NAV3: variants seen among roughly 807,000 people sequenced by gnomAD.
The protein encoded by NAV3 is neuron navigator 3, also known as pore membrane and/or filament interacting like protein 1.
Under a neutral mutation model 244.7 loss-of-function variants are expected in NAV3, and 87 were observed. That is an observed-to-expected ratio of 0.36 (90% CI 0.30 to 0.42). The LOEUF (loss-of-function observed/expected upper bound fraction) is 0.42. Among genes scored for constraint, NAV3 ranks in the 20% least tolerant of loss-of-function variants. The pLI, the probability that NAV3 is intolerant of heterozygous loss-of-function variation, is 1.00. For missense variants in NAV3, 2,663 were observed against 2,893.3 expected, an observed-to-expected ratio of 0.92 and a Z score of 1.83; for synonymous variants, 1,126 against 1,042.2, an observed-to-expected ratio of 1.08 and a Z score of -1.55.
intron 20 of NAV3, chr12:78,144,933 A>G (rs1216725876): frequency 0.011 from 1,713 of 151,060 alleles, 97 homozygotes; most frequent in African/African-American, 0.039. Flanking sequence ...AAAAAAAAAA[A>G]AAAAAAAAAA....
intron 2 of NAV3, among the ~76,000 whole-genome samples, chr12:77,659,545 A>C (rs1245990294): frequency 6.6e-6 from 1 of 152,216 alleles, no homozygotes; most frequent in African/African-American, 2.4e-5. Flanking sequence ...TGTGGAAGTC[A>C]GTGTGGCGAT....
chr12:77,639,283 T>TTA, intron 2 of NAV3, among the ~76,000 whole-genome samples: 1 of 152,344 alleles, frequency 6.6e-6, no homozygotes, highest in Non-Finnish European at 1.5e-5. Context: ...CAGGTGTACT[T>TTA]GTCTAAGTGC....
At chr12:78,037,502 A>G (rs1023217590) in intron 9 of NAV3, 5 of 594,776 alleles carry the variant, frequency 8.4e-6, no homozygotes, top group Admixed American at 3.0e-5. Context: ...ATTTTTAAAA[A>G]TACATAGTTA....
chr12:78,128,657 C>T (rs2138845254), intron 17 of NAV3, 49 bp from the exon 18 acceptor site: 1 of 1,570,428 alleles, frequency 6.4e-7, no homozygotes, highest in Non-Finnish European at 8.6e-7. Context: ...CCTGGCATTG[C>T]CTTGCCCTTG....
At chr12:77,601,558 A>G (rs773942061) in intron 2 of NAV3, among the ~76,000 whole-genome samples, 28 of 151,962 alleles carry the variant, frequency 1.8e-4, no homozygotes, top group Non-Finnish European at 3.1e-4. Flanking sequence ...TGGGACTTCA[A>G]TGTAGTAGGA....
chr12:78,028,448 T>C (rs894869865), intron 9 of NAV3, among the ~76,000 whole-genome samples: 13 of 152,230 alleles, frequency 8.5e-5, no homozygotes, highest in African/African-American at 3.1e-4. Context: ...AAAAAATCTT[T>C]GATGCTGAAA....
intron 38 of NAV3, 47 bp downstream of exon 38, chr12:78,200,638 C>T (rs1220462085): frequency 9.9e-7 from 1 of 1,014,682 alleles, no homozygotes; most frequent in Non-Finnish European, 1.4e-6. Flanking sequence ...AAAAAAAAAG[C>T]AAAAAAAATT....
intron 2 of NAV3, among the ~76,000 whole-genome samples, chr12:77,725,358 A>G (rs114508312): frequency 0.01 from 1,572 of 152,142 alleles, 41 homozygotes; most frequent in African/African-American, 0.036. Context: ...TATTCATATA[A>G]CTGACGAAAA....
At chr12:77,907,308 T>A (rs1261410292) in intron 1 of NAV3, among the ~76,000 whole-genome samples, 1 of 152,154 alleles carries the variant, frequency 6.6e-6, no homozygotes, top group Non-Finnish European at 1.5e-5. Flanking sequence ...TCTTTGCCAA[T>A]TTTATTCATC....
intron 2 of NAV3, among the ~76,000 whole-genome samples, chr12:77,779,259 C>G (rs1488504113): frequency 1.3e-5 from 2 of 152,208 alleles, no homozygotes; most frequent in Admixed American, 6.5e-5. Context: ...ATTTTGGCTT[C>G]TGCACATCGG....
At chr12:78,158,757 AG>A (rs1307504006) in intron 22 of NAV3, among the ~76,000 whole-genome samples, 9 of 152,202 alleles carry the variant, frequency 5.9e-5, no homozygotes, top group Non-Finnish European at 1.2e-4. Context: ...ATTACAATAG[AG>A]CAGCTAACAA....
At position 78,050,799 on chromosome 12, in the gene NAV3, C is replaced by T. The variant is rs1882632659; in HGVS notation, c.2168C>T (p.Thr723Ile). ...ACAACATTTGACAGCACTGTGACAA[C>T]AGAAGTTAATGGAAGGACCATACCC... Reference protein sequence around the residue: ...LETTFDSTVTTEVNGRTIPNL... With the variant: ...LETTFDSTVTIEVNGRTIPNL... Residue 723 changes from threonine (T) to isoleucine (I), a missense_variant, in exon 11 of 40, where the codon ACA becomes ATA. Thr to Ile is a moderately conservative substitution (Grantham distance 89). Coordinates refer to ENST00000397909, the MANE Select transcript of NAV3 (RefSeq NM_001024383.2). The T allele has an allele frequency of 1.2e-6, 2 of 1,608,512 alleles. No individual in the cohort carries two copies. Among genetic ancestry groups the T allele is most frequent in the South Asian group, 2.2e-5 (2 of 90,824 alleles).
At chr12:77,853,043 G>T (rs936355306) in intron 1 of NAV3, among the ~76,000 whole-genome samples, 4 of 152,178 alleles carry the variant, frequency 2.6e-5, no homozygotes, top group African/African-American at 9.7e-5. Context: ...CAGCTTTCAT[G>T]AGTACGATTA....
At chr12:77,663,203 GA>G (rs1362029523) in intron 2 of NAV3, among the ~76,000 whole-genome samples, 1 of 152,090 alleles carries the variant, frequency 6.6e-6, no homozygotes, top group African/African-American at 2.4e-5. Context: ...TTTGAATTAA[GA>G]TTTTTAACTA....
At chr12:77,992,797 T>A (rs559555216) in intron 5 of NAV3, among the ~76,000 whole-genome samples, 37 of 152,054 alleles carry the variant, frequency 2.4e-4, no homozygotes, top group African/African-American at 8.9e-4. Flanking sequence ...GGGACAAAAA[T>A]GATGGTGAAC....
chr12:77,919,065 A>G (rs546571601), intron 1 of NAV3, among the ~76,000 whole-genome samples: 1 of 152,234 alleles, frequency 6.6e-6, no homozygotes, highest in Non-Finnish European at 1.5e-5. Flanking sequence ...GGACCATATG[A>G]GAAAAAATAC....
chr12:78,208,415 C>T (rs1960553820), intron 39 of NAV3, among the ~76,000 whole-genome samples: 1 of 152,098 alleles, frequency 6.6e-6, no homozygotes, highest in Non-Finnish European at 1.5e-5. Context: ...AGTGATATAT[C>T]ACACGCAAAC....
At chr12:77,605,204 A>G (rs1180068773) in intron 2 of NAV3, among the ~76,000 whole-genome samples, 1 of 152,100 alleles carries the variant, frequency 6.6e-6, no homozygotes, top group Non-Finnish European at 1.5e-5. Context: ...TCATTCATTC[A>G]ATCATCTCAA....
intron 1 of NAV3, among the ~76,000 whole-genome samples, chr12:77,908,642 A>G (rs905176812): frequency 6.6e-6 from 1 of 152,070 alleles, no homozygotes; most frequent in Non-Finnish European, 1.5e-5. Flanking sequence ...CTCATCTAAA[A>G]AGCACATTGC....
Sources: gnomAD v4.1 joint callset for allele counts (sites outside exome capture counted in the v4.1 genomes callset) on GRCh38, gnomAD v4.1.1 for gene constraint, MANE v1.5 for transcripts, NCBI Gene and HGNC (gene_info 2026-07-23, HGNC 2026-07-21) for gene names.